The following SH3PXD2B variants were observed in gnomAD, a reference collection of about 807,000 sequenced individuals.
SH3PXD2B encodes SH3 and PX domain-containing protein 2B.
In SH3PXD2B, 37 loss-of-function variants were observed where a neutral mutation model predicts 73.1. The observed-to-expected ratio is 0.51, with a 90% confidence interval of 0.39 to 0.67. SH3PXD2B has a LOEUF of 0.67. Among genes scored for constraint, SH3PXD2B ranks in the 30% least tolerant of loss-of-function variants. The pLI, the probability that SH3PXD2B is intolerant of heterozygous loss-of-function variation, is 0.00. For synonymous variants in SH3PXD2B, 457 were observed against 480.5 expected, an observed-to-expected ratio of 0.95 and a Z score of 0.64; for missense variants, 1,053 against 1,197.8, an observed-to-expected ratio of 0.88 and a Z score of 1.78.
chr5:172,331,174 G>A (rs1050041383), downstream of SH3PXD2B, among the ~76,000 whole-genome samples: 4 of 152,216 alleles, frequency 2.6e-5, no homozygotes, highest in Admixed American at 6.5e-5. Flanking sequence ...CAGCTTGGGC[G>A]ACAGAGCGAG....
rs546080062 is a variant in SH3PXD2B, at chr5:172,340,773, T to C, written c.1189-857A>G. 3.9e-5 allele frequency among the ~76,000 whole-genome samples: 6 copies of C among 152,298 alleles called. No individual in the cohort carries two copies. In the East Asian group the frequency reaches 1.2e-3, roughly 29 times the overall value. Reference sequence around the variant, plus strand: ...CCACACCTGGCTAATTTTTGTATTTTTAGTAGAGATGGGGTTTTACCATGT... The same window carrying C: ...CCACACCTGGCTAATTTTTGTATTTCTAGTAGAGATGGGGTTTTACCATGT... On this transcript the variant is annotated intron_variant, in intron 12 of 12. Transcript: ENST00000311601.
At chr5:172,405,022 T>C (rs77390305) in intron 3 of SH3PXD2B, among the ~76,000 whole-genome samples, 5,875 of 152,324 alleles carry the variant, frequency 0.039, 199 homozygotes, top group South Asian at 0.19. Flanking sequence ...GTAATGAAAG[T>C]AAAGCACTGA....
intron 6 of SH3PXD2B, among the ~76,000 whole-genome samples, chr5:172,373,268 G>A (rs1161986788): frequency 6.6e-6 from 1 of 152,190 alleles, no homozygotes; most frequent in Non-Finnish European, 1.5e-5. Context: ...CCCTCAGCCC[G>A]GGATGCCCCT....
chr5:172,367,507 T>C (rs1341647415), intron 6 of SH3PXD2B, among the ~76,000 whole-genome samples: 4 of 151,416 alleles, frequency 2.6e-5, no homozygotes, highest in Non-Finnish European at 5.9e-5. Flanking sequence ...GGATTACAGT[T>C]GTGAGCCACT....
intron 11 of SH3PXD2B, 102 bp from the exon 12 acceptor site, chr5:172,346,363 G>A: frequency 6.4e-7 from 1 of 1,562,558 alleles, no homozygotes; most frequent in Non-Finnish European, 8.7e-7. Flanking sequence ...CACCCTTAAG[G>A]GGGTGCTGGG....
chr5:172,360,022 C>G (rs1238715681), intron 7 of SH3PXD2B, among the ~76,000 whole-genome samples: 1 of 152,146 alleles, frequency 6.6e-6, no homozygotes, highest in East Asian at 1.9e-4. Context: ...CTATTCGGAA[C>G]CTAAAGAAAG....
chr5:172,336,618 A>G lies in SH3PXD2B; in HGVS notation c.*1751T>C, dbSNP rs933182889. 106 of 985,840 alleles carry G rather than the reference A, an allele frequency of 1.1e-4. No homozygotes were observed. Among genetic ancestry groups the G allele is most frequent in the Admixed American group, 2.5e-4 (4 of 16,270 alleles). The allele number at this position is 985,840 out of a possible 1,614,324, so 61.1% of individuals were successfully genotyped here. A position where few individuals can be genotyped will look rare whatever the true frequency, so the allele number is the denominator to read the frequency against. On this transcript the variant is annotated 3_prime_UTR_variant, in exon 13 of 13. Coordinates refer to ENST00000311601, the MANE Select transcript of SH3PXD2B (RefSeq NM_001017995.3). ...CAGGTAGACACTGAGCATCCCCCCA[A>G]AAAACTGGCTTTGTGGGTCCAAAAG... is the stretch of plus-strand genomic sequence containing the variant.
chr5:172,384,123 C>T (rs536302704), intron 4 of SH3PXD2B, among the ~76,000 whole-genome samples: 45 of 152,194 alleles, frequency 3.0e-4, no homozygotes, highest in South Asian at 6.2e-4. Flanking sequence ...GGATTACAGG[C>T]GTGAGCCACT....
intron 2 of SH3PXD2B, among the ~76,000 whole-genome samples, chr5:172,416,136 G>A (rs926573418): frequency 3.9e-5 from 6 of 152,028 alleles, no homozygotes; most frequent in African/African-American, 7.2e-5. Context: ...GAGACCAGTC[G>A]GGGCAACAAA....
chr5:172,369,643 C>T (rs1757658339), intron 6 of SH3PXD2B, among the ~76,000 whole-genome samples: 2 of 152,126 alleles, frequency 1.3e-5, no homozygotes, highest in African/African-American at 2.4e-5. Flanking sequence ...TGGTGTGTGC[C>T]TGTAGTCCCA....
At chr5:172,359,067 T>C (rs1757343915) in intron 7 of SH3PXD2B, among the ~76,000 whole-genome samples, 190 bp from the exon 8 acceptor site, 1 of 152,182 alleles carries the variant, frequency 6.6e-6, no homozygotes, top group African/African-American at 2.4e-5. Context: ...AACTTGCTCC[T>C]GAGCCTGGGA....
rs1005758564 is a variant in SH3PXD2B, at chr5:172,445,836, C to G, written c.75+8442G>C. On this transcript the variant is annotated intron_variant, in intron 1 of 12. Coordinates refer to ENST00000311601, the MANE Select transcript of SH3PXD2B (RefSeq NM_001017995.3). This position sits in a 1 kb window ranked among gnomAD's most constrained non-coding sequence, Gnocchi z 5.2. ...AAGACCCTGGGCTGAGAGTCATGCC[C>G]GCCTGCAGGTGTGCATCTGGGCCAG... is the stretch of plus-strand genomic sequence containing the variant. Among the ~76,000 whole-genome samples, 2 of 152,176 alleles carry G rather than the reference C, an allele frequency of 1.3e-5. No homozygotes were observed. Among genetic ancestry groups the G allele is most frequent in the Non-Finnish European group, 2.9e-5 (2 of 68,040 alleles).
intron 5 of SH3PXD2B, among the ~76,000 whole-genome samples, chr5:172,379,805 C>A (rs910143007): frequency 6.6e-6 from 1 of 152,126 alleles, no homozygotes; most frequent in Non-Finnish European, 1.5e-5. Flanking sequence ...TGAGGGAGGC[C>A]CATGGCCACA....
At chr5:172,385,642 C>T (rs1758045363) in intron 4 of SH3PXD2B, among the ~76,000 whole-genome samples, 1 of 152,212 alleles carries the variant, frequency 6.6e-6, no homozygotes, top group East Asian at 1.9e-4. Flanking sequence ...TGGTCACTGT[C>T]TCTGCCTGGA....
chr5:172,437,239 C>T (rs1332288405), intron 1 of SH3PXD2B, among the ~76,000 whole-genome samples: 2 of 152,326 alleles, frequency 1.3e-5, no homozygotes, highest in East Asian at 3.9e-4. Flanking sequence ...GGAAACCCGA[C>T]TCTGCCACGC....
At chr5:172,441,809 G>T (rs1056312521) in intron 1 of SH3PXD2B, among the ~76,000 whole-genome samples, 1 of 151,998 alleles carries the variant, frequency 6.6e-6, no homozygotes, top group Non-Finnish European at 1.5e-5. Context: ...CAGACCCTGG[G>T]GACAGCCACC....
At chr5:172,444,964 G>A (rs1759631562) in intron 1 of SH3PXD2B, among the ~76,000 whole-genome samples, 1 of 152,176 alleles carries the variant, frequency 6.6e-6, no homozygotes, top group East Asian at 1.9e-4. Context: ...TCTACCCACA[G>A]AGCTTCATCT....
intron 12 of SH3PXD2B, among the ~76,000 whole-genome samples, chr5:172,327,890 G>A (rs1290349197): frequency 1.3e-5 from 2 of 151,952 alleles, no homozygotes; most frequent in African/African-American, 4.8e-5. Context: ...GAGTAGCTGG[G>A]ATTACAAGCA....
rs768113862 is a variant in SH3PXD2B at position 172,394,572 on chromosome 5, T to G, written c.300A>C (p.Glu100Asp). 6.2e-7 allele frequency: 1 copy of G among 1,614,126 alleles called. No homozygotes were observed. Among genetic ancestry groups the G allele is most frequent in the Non-Finnish European group, 8.5e-7 (1 of 1,180,000 alleles). ...CATTTCTCAGCCTTACCTTACAGTA[T>G]TCATCAATTGGTATCAGGCGTTTGA... ...VAVKRLIPID[E>D]YCKALIQLPP... The change falls in exon 4 of 13, where the codon GAA (glutamate) becomes GAC (aspartate). Residue 100 changes from glutamate to aspartate, a missense_variant. By Grantham distance (45) the Glu-to-Asp change is conservative. Around this residue, in one of 2 missense-constraint regions of SH3PXD2B, gnomAD observed 466 missense variants for 607.1 expected, o/e 0.77. Transcript: ENST00000311601.
Sources: allele counts gnomAD v4.1 joint callset (sites outside exome capture counted in the v4.1 genomes callset), GRCh38; gene constraint gnomAD v4.1.1; regional missense constraint gnomAD v4.1.1; non-coding constraint Gnocchi (gnomAD v3.1); transcripts MANE v1.5; gene names NCBI Gene and HGNC (gene_info 2026-07-23, HGNC 2026-07-21).